The following TRHDE variants were observed in gnomAD, a reference collection of about 807,000 sequenced individuals.
The protein encoded by TRHDE is thyrotropin-releasing hormone-degrading ectoenzyme.
In TRHDE, 72 loss-of-function variants were observed where a neutral mutation model predicts 125.7. That is an observed-to-expected ratio of 0.57 (90% CI 0.47 to 0.70). TRHDE has a LOEUF of 0.70. TRHDE is among the 30% of genes least tolerant of loss of function. TRHDE has a pLI of 0.00. For synonymous variants in TRHDE, 509 were observed against 509.1 expected, an observed-to-expected ratio of 1.00 and a Z score of 0.00; for missense variants, 1,110 against 1,327.1, an observed-to-expected ratio of 0.84 and a Z score of 2.54.
At chr12:72,642,141 G>T (rs550459044) in intron 15 of TRHDE, among the ~76,000 whole-genome samples, 1 of 152,158 alleles carries the variant, frequency 6.6e-6, no homozygotes, top group Admixed American at 6.5e-5. Context: ...CCAGTGCTGT[G>T]AGAAATAAAT....
chr12:72,511,783 G>A (rs1237671255), intron 6 of TRHDE, among the ~76,000 whole-genome samples: 1 of 152,056 alleles, frequency 6.6e-6, no homozygotes, highest in Non-Finnish European at 1.5e-5. Flanking sequence ...AAAACAGCTA[G>A]TTTTCATACT....
chr12:72,459,537 G>A (rs746982939), intron 3 of TRHDE, among the ~76,000 whole-genome samples: 7 of 152,084 alleles, frequency 4.6e-5, no homozygotes, highest in South Asian at 2.1e-4. Flanking sequence ...CCACTGTTTC[G>A]TGAATGCTGG....
chr12:72,394,549 C>T (rs779719746), intron 3 of TRHDE, among the ~76,000 whole-genome samples: 2 of 152,174 alleles, frequency 1.3e-5, no homozygotes, highest in African/African-American at 2.4e-5. Flanking sequence ...GTTCCAGACT[C>T]TCCCATTCTG....
chr12:72,576,937 C>A (rs1871022642), intron 12 of TRHDE, among the ~76,000 whole-genome samples: 1 of 152,090 alleles, frequency 6.6e-6, no homozygotes, highest in South Asian at 2.1e-4. Context: ...CTTTTCCATG[C>A]CATAGCACCA....
At chr12:72,154,177 T>C (rs1876443920) in intron 2 of TRHDE, among the ~76,000 whole-genome samples, 1 of 152,184 alleles carries the variant, frequency 6.6e-6, no homozygotes, top group African/African-American at 2.4e-5. Context: ...TTTTGATCTT[T>C]GTTGGTTTAA....
intron 12 of TRHDE, among the ~76,000 whole-genome samples, chr12:72,610,159 G>A (rs1056928496): frequency 1.2e-4 from 18 of 152,112 alleles, no homozygotes; most frequent in South Asian, 2.1e-4. Flanking sequence ...TTATTTATCC[G>A]TGACCTTCCC....
At chr12:72,287,885 A>G (rs923041646) in intron 2 of TRHDE, among the ~76,000 whole-genome samples, 2 of 152,056 alleles carry the variant, frequency 1.3e-5, no homozygotes, top group Admixed American at 6.6e-5. Context: ...AATGGCTTAC[A>G]TGATATATAT....
chr12:72,285,801 G>A (rs770431208), intron 1 of TRHDE, among the ~76,000 whole-genome samples: 3 of 152,132 alleles, frequency 2.0e-5, no homozygotes, highest in Admixed American at 6.5e-5. Context: ...TTACAAGTGT[G>A]AGCCACCATG....
intron 2 of TRHDE, among the ~76,000 whole-genome samples, chr12:72,344,891 C>T (rs1870245477): frequency 6.6e-6 from 1 of 152,042 alleles, no homozygotes; most frequent in Non-Finnish European, 1.5e-5. Context: ...TAGCATGGTC[C>T]ACACTTGAGA....
intron 2 of TRHDE, among the ~76,000 whole-genome samples, chr12:72,154,008 C>T: frequency 6.6e-6 from 1 of 152,074 alleles, no homozygotes; most frequent in Admixed American, 6.5e-5. Flanking sequence ...TTAAAGTCTC[C>T]CATTATTATT....
chr12:72,237,725 C>T (rs749021289), intron 2 of TRHDE, among the ~76,000 whole-genome samples: 7 of 152,258 alleles, frequency 4.6e-5, no homozygotes, highest in South Asian at 2.1e-4. Flanking sequence ...GCCTCCCTAG[C>T]CATGCGGAAC....
At chr12:72,394,019 A>G (rs1175654597) in intron 3 of TRHDE, among the ~76,000 whole-genome samples, 1 of 152,286 alleles carries the variant, frequency 6.6e-6, no homozygotes. Flanking sequence ...GCTCATACAA[A>G]CATAGGTATA....
chr12:72,220,316 C>A (rs1877977355), intron 2 of TRHDE, among the ~76,000 whole-genome samples: 1 of 152,138 alleles, frequency 6.6e-6, no homozygotes, highest in Admixed American at 6.6e-5. Flanking sequence ...GAAAAACTGA[C>A]ATAGACTGCT....
chr12:72,132,857 G>A (rs1875894866), intron 2 of TRHDE, among the ~76,000 whole-genome samples: 1 of 152,074 alleles, frequency 6.6e-6, no homozygotes, highest in Admixed American at 6.5e-5. Context: ...GAGGAGGGTG[G>A]GTCAAGTGAA....
intron 2 of TRHDE, among the ~76,000 whole-genome samples, chr12:72,180,954 T>C (rs1877085287): frequency 6.6e-6 from 1 of 152,200 alleles, no homozygotes; most frequent in Non-Finnish European, 1.5e-5. Context: ...TTTAGGTCTC[T>C]TTATTATGGC....
chr12:72,286,871 A>T lies in TRHDE; in HGVS notation c.1105A>T (p.Thr369Ser). The change falls in exon 2 of 19, where the codon ACC becomes TCC. Residue 369 changes from threonine (T) to serine (S), a missense_variant. Physicochemically the swap from Thr to Ser is moderately conservative, Grantham distance 58. Coordinates refer to ENST00000261180, the MANE Select transcript of TRHDE (RefSeq NM_013381.3). ...ATGGGTTACGGATCACTTTTCACAG[A>T]CCCCTCTCATGTCCACATATTATTT... ...DGWVTDHFSQTPLMSTYYLAW... is the reference protein window; with the variant it reads ...DGWVTDHFSQSPLMSTYYLAW... 1.2e-6 allele frequency: 2 copies of T among 1,613,430 alleles called. No individual in the cohort carries two copies. The highest frequency in any genetic ancestry group is 1.7e-6 in the Non-Finnish European group (2 of 1,179,888).
At chr12:72,492,635 C>G (rs1877733448) in intron 5 of TRHDE, among the ~76,000 whole-genome samples, 1 of 151,658 alleles carries the variant, frequency 6.6e-6, no homozygotes, top group Non-Finnish European at 1.5e-5. Flanking sequence ...TAATGAAAAA[C>G]AAGAAGGAAA....
At chr12:72,518,888 T>G (rs925489450) in intron 6 of TRHDE, among the ~76,000 whole-genome samples, 18 of 151,860 alleles carry the variant, frequency 1.2e-4, no homozygotes, top group Admixed American at 2.6e-4. Flanking sequence ...AGTATTTTAT[T>G]TCTCCTTCAC....
intron 2 of TRHDE, among the ~76,000 whole-genome samples, chr12:72,184,134 G>GT (rs975335945): frequency 1.6e-4 from 24 of 151,958 alleles, no homozygotes; most frequent in African/African-American, 3.1e-4. Flanking sequence ...TGAATTTTTA[G>GT]TTTTTTTTAT....
Sources: gnomAD v4.1 joint callset for allele counts (sites outside exome capture counted in the v4.1 genomes callset) on GRCh38, gnomAD v4.1.1 for gene constraint, MANE v1.5 for transcripts, NCBI Gene and HGNC (gene_info 2026-07-23, HGNC 2026-07-21) for gene names.